The following CNOT1 variants were observed in gnomAD, a reference collection of about 807,000 sequenced individuals.
The protein encoded by CNOT1 is CCR4-NOT transcription complex subunit 1, also known as CCR4-associated factor 1.
Under a neutral mutation model 273.8 loss-of-function variants are expected in CNOT1, and 15 were observed. The observed-to-expected ratio is 0.05, with a 90% CI of 0.04 to 0.08. The LOEUF (loss-of-function observed/expected upper bound fraction) is 0.08. Among genes scored for constraint, CNOT1 ranks in the 10% least tolerant of loss-of-function variants. The pLI, the probability that CNOT1 is intolerant of heterozygous loss-of-function variation, is 1.00. For missense variants in CNOT1, 1,644 were observed against 2,912.2 expected (o/e 0.56, Z 10.02); for synonymous variants, 1,022 against 1,005.5 (o/e 1.02, Z -0.31).
At chr16:58,556,348 T>A (rs1459281888) in intron 19 of CNOT1, among the ~76,000 whole-genome samples, 1 of 152,208 alleles carries the variant, frequency 6.6e-6, no homozygotes, top group African/African-American at 2.4e-5. Flanking sequence ...CGTTATCAAG[T>A]CAGCTGGAAT....
chr16:58,537,899 A>G lies in CNOT1; in HGVS notation c.5406T>C (p.Ala1802=). 5 of 1,614,140 alleles carry G rather than the reference A, an allele frequency of 3.1e-6. No individual in the cohort carries two copies. The East Asian group carries it at 6.7e-5, about 22-fold the overall frequency. Reference sequence around the variant, plus strand: ...AAGCATTTCATCCTCACCCTTCTGGAGCATTGCCTCTGGAATGAGCATTAA... The same window carrying G: ...AAGCATTTCATCCTCACCCTTCTGGGGCATTGCCTCTGGAATGAGCATTAA... ...MRINAHSRGN[A]PEGLPQLMEV... The change falls in exon 38 of 49, where the codon GCT becomes GCC. Residue 1802 remains alanine, a synonymous_variant. Transcript: ENST00000317147.
intron 11 of CNOT1, 141 bp downstream of exon 11, chr16:58,581,204 T>TTATGGACAGTCCTTGC (rs2041647173): frequency 1.0e-6 from 1 of 955,810 alleles, no homozygotes; most frequent in Admixed American, 3.3e-5. Context: ...CCTTCAATAC[T>TTATGGACAGTCCTTGC]TATGGACAGT....
chr16:58,545,865 A>G (rs2040243261), intron 29 of CNOT1, among the ~76,000 whole-genome samples: 1 of 152,204 alleles, frequency 6.6e-6, no homozygotes, highest in South Asian at 2.1e-4. Flanking sequence ...AAGAAAGAAA[A>G]GCTCAATTTA....
At position 58,555,815 on chromosome 16, in the gene CNOT1, T is replaced by C. The variant is rs1567404420; in HGVS notation, c.2573A>G (p.His858Arg). ...AACAGACATGGTTGGATGTGGTGGA[T>C]GATTATATATTCGCTGGAAATAGCT... ...ANSYFQRIYN[H>R]PPHPTMSVDE... The change falls in exon 20 of 49, where the codon CAT becomes CGT. Residue 858 changes from histidine (H) to arginine (R), a missense_variant. Around this residue, in one of 13 missense-constraint regions of CNOT1, gnomAD observed 74 missense variants for 184.6 expected, o/e 0.40. Transcript: ENST00000317147. The C allele has an allele frequency of 1.2e-6, 2 of 1,614,102 alleles. No homozygotes were observed. The highest frequency in any genetic ancestry group is 1.7e-6 in the Non-Finnish European group (2 of 1,180,038).
chr16:58,549,659 T>C (rs934402867), intron 25 of CNOT1, 60 bp downstream of exon 25: 16 of 1,537,180 alleles, frequency 1.0e-5, no homozygotes, highest in Non-Finnish European at 1.4e-5. Context: ...CCTACCTATA[T>C]AATCAAATAT....
intron 1 of CNOT1, among the ~76,000 whole-genome samples, chr16:58,607,491 G>A (rs1045722589): frequency 5.3e-5 from 8 of 151,970 alleles, no homozygotes; most frequent in Non-Finnish European, 1.2e-4. Flanking sequence ...ACTTCGGGAG[G>A]CCAAGGCAGG....
intron 1 of CNOT1, among the ~76,000 whole-genome samples, chr16:58,629,071 G>C (rs1044477958): frequency 6.6e-6 from 1 of 152,236 alleles, no homozygotes; most frequent in African/African-American, 2.4e-5. Flanking sequence ...GAAAGTGTGA[G>C]CGCCCAGGCG....
intron 1 of CNOT1, among the ~76,000 whole-genome samples, chr16:58,610,469 C>T (rs1447079302): frequency 3.9e-5 from 6 of 151,988 alleles, no homozygotes; most frequent in South Asian, 2.1e-4. Context: ...TTTGGGAGAC[C>T]GAGGCAGGTG....
At chr16:58,601,416 A>G (rs1033442458) in intron 1 of CNOT1, among the ~76,000 whole-genome samples, 7 of 152,104 alleles carry the variant, frequency 4.6e-5, no homozygotes, top group Non-Finnish European at 8.8e-5. Context: ...ATTTTTTAAG[A>G]AATTCACCAA....
In CNOT1 at chr16:58,573,232, G is replaced by A. The variant is rs147859884; in HGVS notation, c.1979+1377C>T. ...GAGGCAGAAGAATCACTTGAACCCG[G>A]GAGGCAGAAGTTGCAGTGAGCCGAG... On this transcript the variant is annotated intron_variant, in intron 16 of 48. Transcript: ENST00000317147. Among the ~76,000 whole-genome samples the A allele has an allele frequency of 2.6e-3, 395 of 150,606 alleles. 3 individuals are homozygous for A. Among genetic ancestry groups the A allele is most frequent in the African/African-American group, 8.9e-3 (366 of 41,108 alleles).
intron 47 of CNOT1, among the ~76,000 whole-genome samples, chr16:58,522,542 GC>G (rs1397145527): frequency 6.7e-6 from 1 of 148,798 alleles, no homozygotes; most frequent in Non-Finnish European, 1.5e-5. Context: ...TAAGAGTCTG[GC>G]CCAATTTTTA....
intron 39 of CNOT1, 47 bp downstream of exon 39, chr16:58,536,942 C>T (rs1233910049): frequency 6.2e-7 from 1 of 1,600,632 alleles, no homozygotes; most frequent in Non-Finnish European, 8.5e-7. Context: ...AGGCATCACA[C>T]CCTACTTATG....
chr16:58,522,620 ATTCCTAACTATT>A (rs2039443463), intron 47 of CNOT1, among the ~76,000 whole-genome samples: 1 of 152,202 alleles, frequency 6.6e-6, no homozygotes, highest in Non-Finnish European at 1.5e-5. Context: ...CTGGCAACAG[ATTCCTAACTATT>A]GTTAGGAAAA....
At position 58,547,752 on chromosome 16, in the gene CNOT1, G is replaced by A. The variant is rs2040305633; in HGVS notation, c.3523-70C>T. ...AAAGAAAACTCAACTAAGTATTTGA[G>A]AATTCCATTATCCTATCCTAAAGAC... On this transcript the variant is annotated intron_variant, in intron 25 of 48. Transcript: ENST00000317147. The surrounding 1 kb of genome is among the most constrained non-coding windows in gnomAD (Gnocchi z 4.0). The A allele has an allele frequency of 1.4e-6, 2 of 1,449,430 alleles. No homozygotes were observed. The highest frequency in any genetic ancestry group is 2.6e-5 in the South Asian group (2 of 77,304). The allele number at this position is 1,449,430 out of a possible 1,614,324, so 89.8% of individuals were successfully genotyped here. A position where few individuals can be genotyped will look rare whatever the true frequency, so the allele number is the denominator to read the frequency against.
intron 18 of CNOT1, among the ~76,000 whole-genome samples, chr16:58,558,030 A>G (rs1358011959): frequency 3.3e-5 from 5 of 152,014 alleles, no homozygotes; most frequent in Non-Finnish European, 5.9e-5. Context: ...AAAACCTTAA[A>G]ATGTTTTTGG....
At chr16:58,522,067 C>G (rs1373356328) in intron 47 of CNOT1, among the ~76,000 whole-genome samples, 2 of 151,792 alleles carry the variant, frequency 1.3e-5, no homozygotes, top group African/African-American at 2.4e-5. Flanking sequence ...CGCCTGTAAT[C>G]CCAGCACTCT....
intron 16 of CNOT1, among the ~76,000 whole-genome samples, chr16:58,566,629 T>G (rs1474672177): frequency 1.3e-5 from 2 of 152,194 alleles, no homozygotes; most frequent in Non-Finnish European, 2.9e-5. Context: ...TACAAGGCAG[T>G]CTTGTGCACT....
chr16:58,527,992 A>G, intron 44 of CNOT1: 1 of 349,016 alleles, frequency 2.9e-6, no homozygotes, highest in Non-Finnish European at 5.6e-6. Flanking sequence ...GAGTGCCTGT[A>G]ATCCCAGCTA....
intron 1 of CNOT1, among the ~76,000 whole-genome samples, chr16:58,626,623 A>G (rs1017476892): frequency 2.0e-5 from 3 of 150,998 alleles, no homozygotes; most frequent in African/African-American, 7.3e-5. Flanking sequence ...AGCTGGGTGC[A>G]GTGGTGCGCG....
Sources: gnomAD v4.1 joint callset for allele counts (sites outside exome capture counted in the v4.1 genomes callset) on GRCh38, gnomAD v4.1.1 for gene constraint, gnomAD v4.1.1 regional missense constraint, Gnocchi (gnomAD v3.1) non-coding constraint, MANE v1.5 for transcripts, NCBI Gene and HGNC (gene_info 2026-07-23, HGNC 2026-07-21) for gene names.